The following SAMD12 variants were observed in gnomAD, a reference collection of about 807,000 sequenced individuals.
SAMD12 encodes the protein sterile alpha motif domain-containing protein 12.
SAMD12 carries 9 observed loss-of-function variants against 15.0 expected under a neutral mutation model. That is an observed-to-expected ratio of 0.60 (90% CI 0.36 to 1.05). SAMD12 has a LOEUF of 1.05. Among genes scored for constraint, SAMD12 ranks in the 50% least tolerant of loss-of-function variants. The pLI is 0.01. For synonymous variants in SAMD12, 86 were observed against 90.1 expected (o/e 0.96, Z 0.25); for missense variants, 230 against 234.2 (o/e 0.98, Z 0.12).
intron 4 of SAMD12, among the ~76,000 whole-genome samples, chr8:118,372,915 C>T (rs2130687148): frequency 6.6e-6 from 1 of 152,186 alleles, no homozygotes; most frequent in East Asian, 1.9e-4. Flanking sequence ...AGAAGTCAGA[C>T]ACTATGACTC....
chr8:118,166,853 C>T, the SAMD12 span, among the ~76,000 whole-genome samples: 1 of 152,156 alleles, frequency 6.6e-6, no homozygotes, highest in East Asian at 1.9e-4. Flanking sequence ...TGCAAAGCCC[C>T]TTATGTATAT....
chr8:118,136,383 A>C, the SAMD12 span, among the ~76,000 whole-genome samples: 1 of 152,224 alleles, frequency 6.6e-6, no homozygotes, highest in African/African-American at 2.4e-5. Flanking sequence ...GAAAAGCCAA[A>C]GCCAACATTT....
At chr8:118,411,303 C>A (rs2130813855) in intron 3 of SAMD12, among the ~76,000 whole-genome samples, 1 of 152,314 alleles carries the variant, frequency 6.6e-6, no homozygotes, top group Admixed American at 6.5e-5. Context: ...TACTTCTTAA[C>A]TCCACTGCTT....
chr8:118,597,139 C>T (rs894858979), intron 1 of SAMD12, among the ~76,000 whole-genome samples: 7 of 152,070 alleles, frequency 4.6e-5, no homozygotes, highest in African/African-American at 1.7e-4. Flanking sequence ...TGGCAGGCTC[C>T]AGATCTGTAG....
rs796161335 is a variant in SAMD12, at chr8:118,351,137, T to C, written c.433+28423A>G. 3.3e-5 allele frequency among the ~76,000 whole-genome samples: 5 copies of C among 152,326 alleles called. No homozygotes were observed. In the South Asian group the frequency reaches 1.0e-3, roughly 32 times the overall value. Reference sequence around the variant, plus strand: ...GTTCTTCTTCCTCTAAATATTAATGTAAAAAGATGCTTACTTTGGCAAATT... The same window carrying C: ...GTTCTTCTTCCTCTAAATATTAATGCAAAAAGATGCTTACTTTGGCAAATT... On this transcript the variant is annotated intron_variant, in intron 4 of 4. Transcript: ENST00000409003.
intron 3 of SAMD12, among the ~76,000 whole-genome samples, chr8:118,405,573 G>GAATGCCCTTATGTCAGTGA (rs1821089814): frequency 6.6e-6 from 1 of 151,894 alleles, no homozygotes; most frequent in African/African-American, 2.4e-5. Context: ...CTTATGTCTA[G>GAATGCCCTTATGTCAGTGA]ATCTGAGTAA....
At chr8:118,272,315 A>G (rs1013423671) in intron 4 of SAMD12, among the ~76,000 whole-genome samples, 3 of 152,174 alleles carry the variant, frequency 2.0e-5, no homozygotes, top group Admixed American at 1.3e-4. Flanking sequence ...TAGCTGGAAA[A>G]CAAGGTATCA....
chr8:118,289,866 A>T (rs1028607250), intron 4 of SAMD12, among the ~76,000 whole-genome samples: 5 of 152,210 alleles, frequency 3.3e-5, no homozygotes, highest in Non-Finnish European at 2.9e-5. Flanking sequence ...TGAGATACAG[A>T]GAGTAAAGAC....
chr8:118,218,431 C>T (rs112272502), intron 4 of SAMD12, among the ~76,000 whole-genome samples: 70 of 152,166 alleles, frequency 4.6e-4, no homozygotes, highest in African/African-American at 1.6e-3. Context: ...GGATATGCAA[C>T]CATCTATTAT....
intron 4 of SAMD12, among the ~76,000 whole-genome samples, chr8:118,255,799 G>A (rs1812925497): frequency 6.6e-6 from 1 of 151,992 alleles, no homozygotes; most frequent in Admixed American, 6.6e-5. Flanking sequence ...ATTGTGAATA[G>A]TGCCGCAATA....
the SAMD12 span, among the ~76,000 whole-genome samples, chr8:118,144,446 C>T: frequency 6.6e-6 from 1 of 152,024 alleles, no homozygotes; most frequent in Non-Finnish European, 1.5e-5. Context: ...ACTGCTGCTC[C>T]CAAAGCACCT....
intron 4 of SAMD12, among the ~76,000 whole-genome samples, chr8:118,335,379 T>C (rs757853251): frequency 3.0e-4 from 45 of 152,278 alleles, no homozygotes; most frequent in Middle Eastern, 3.4e-3. Context: ...GTAGTTGAGG[T>C]TGGTTTTCCA....
intron 4 of SAMD12, among the ~76,000 whole-genome samples, chr8:118,359,931 G>A (rs563533259): frequency 6.6e-6 from 1 of 152,208 alleles, no homozygotes; most frequent in East Asian, 1.9e-4. Context: ...AATACTTACT[G>A]GGCTGAAGGG....
the SAMD12 span, among the ~76,000 whole-genome samples, chr8:118,164,456 A>G: frequency 6.6e-6 from 1 of 152,156 alleles, no homozygotes; most frequent in African/African-American, 2.4e-5. Context: ...GGGTCAGGCT[A>G]TATTGTCTTT....
At chr8:118,207,888 C>T (rs1819906797) in intron 4 of SAMD12, among the ~76,000 whole-genome samples, 1 of 151,268 alleles carries the variant, frequency 6.6e-6, no homozygotes, top group East Asian at 1.9e-4. Context: ...AAAAGAAAAG[C>T]ACACTTTTAA....
At chr8:118,446,087 T>C (rs1822902708) in intron 2 of SAMD12, among the ~76,000 whole-genome samples, 1 of 152,336 alleles carries the variant, frequency 6.6e-6, no homozygotes, top group Non-Finnish European at 1.5e-5. Flanking sequence ...TATTTTCCCG[T>C]ATTTGCATAA....
chr8:118,206,639 C>T (rs1465379594), intron 4 of SAMD12, among the ~76,000 whole-genome samples: 2 of 152,234 alleles, frequency 1.3e-5, no homozygotes, highest in Non-Finnish European at 2.9e-5. Context: ...ATCTGTATCA[C>T]AATCTATTAG....
intron 2 of SAMD12, among the ~76,000 whole-genome samples, chr8:118,508,611 T>C (rs1392805722): frequency 6.6e-6 from 1 of 152,218 alleles, no homozygotes; most frequent in African/African-American, 2.4e-5. Context: ...GTCACTTGCA[T>C]AACTGCTGCT....
chr8:118,514,870 A>C (rs942438153), intron 2 of SAMD12, among the ~76,000 whole-genome samples: 3 of 152,218 alleles, frequency 2.0e-5, no homozygotes, highest in African/African-American at 7.2e-5. Context: ...GTCCCTGTCC[A>C]AATCTCATGT....
Sources: gnomAD v4.1 joint callset for allele counts (sites outside exome capture counted in the v4.1 genomes callset) on GRCh38, gnomAD v4.1.1 for gene constraint, MANE v1.5 for transcripts, NCBI Gene and HGNC (gene_info 2026-07-23, HGNC 2026-07-21) for gene names.